DPYD: variants seen among roughly 807,000 people sequenced by gnomAD.
The protein encoded by DPYD is dihydropyrimidine dehydrogenase [NADP(+)].
In DPYD, 109 loss-of-function variants were observed where a neutral mutation model predicts 116.2. The observed-to-expected ratio is 0.94, with a 90% CI of 0.80 to 1.10. The LOEUF (loss-of-function observed/expected upper bound fraction) is 1.10, where lower values mean the gene tolerates loss of function less well. Among genes scored for constraint, DPYD ranks in the 50% least tolerant of loss-of-function variants. DPYD has a pLI of 0.00. For missense variants in DPYD, 1,302 were observed against 1,254.5 expected, an observed-to-expected ratio of 1.04 and a Z score of -0.57; for synonymous variants, 440 against 432.0, an observed-to-expected ratio of 1.02 and a Z score of -0.23.
chr1:97,228,969 G>A (rs1460881960), intron 19 of DPYD, among the ~76,000 whole-genome samples: 1 of 151,906 alleles, frequency 6.6e-6, no homozygotes, highest in Non-Finnish European at 1.5e-5. Flanking sequence ...AGGCCGAGGT[G>A]GGCGGATCAC....
chr1:97,398,867 T>G (rs959024015), intron 14 of DPYD, among the ~76,000 whole-genome samples: 3 of 152,220 alleles, frequency 2.0e-5, no homozygotes, highest in African/African-American at 7.2e-5. Context: ...GATGAGTAGA[T>G]TGCAAAACTT....
At chr1:97,308,794 G>A (rs1223982148) in intron 16 of DPYD, among the ~76,000 whole-genome samples, 2 of 151,772 alleles carry the variant, frequency 1.3e-5, no homozygotes, top group African/African-American at 2.4e-5. Flanking sequence ...AAATAAATAA[G>A]TTTTAGACAA....
At chr1:97,810,659 T>C (rs1346424100) in intron 3 of DPYD, among the ~76,000 whole-genome samples, 1 of 152,100 alleles carries the variant, frequency 6.6e-6, no homozygotes, top group African/African-American at 2.4e-5. Context: ...CATATCCATC[T>C]CTTACCAAAA....
At chr1:97,711,683 T>G (rs553069127) in intron 5 of DPYD, among the ~76,000 whole-genome samples, 2 of 152,136 alleles carry the variant, frequency 1.3e-5, no homozygotes, top group South Asian at 4.1e-4. Flanking sequence ...AAATAAACCT[T>G]ACAAATTTTG....
intron 8 of DPYD, among the ~76,000 whole-genome samples, chr1:97,612,766 G>A (rs1656025977): frequency 6.6e-6 from 1 of 151,946 alleles, no homozygotes. Flanking sequence ...TACCATAGCA[G>A]TTGGGCTTGT....
At chr1:97,735,774 GA>G (rs911361500) in intron 4 of DPYD, among the ~76,000 whole-genome samples, 5 of 151,058 alleles carry the variant, frequency 3.3e-5, no homozygotes, top group Admixed American at 6.6e-5. Context: ...TGGCAGATTA[GA>G]AAAAAAGCAC....
At chr1:97,578,926 G>A (rs554438305) in intron 10 of DPYD, among the ~76,000 whole-genome samples, 2 of 152,166 alleles carry the variant, frequency 1.3e-5, no homozygotes, top group East Asian at 3.9e-4. Context: ...TTCACAAAGT[G>A]GATATTAGAT....
At chr1:97,576,439 A>G (rs531202157) in intron 10 of DPYD, among the ~76,000 whole-genome samples, 1 of 152,298 alleles carries the variant, frequency 6.6e-6, no homozygotes, top group African/African-American at 2.4e-5. Context: ...TATCTTTGCT[A>G]TCTATTAATA....
rs935558084 is a variant in DPYD at position 97,152,626 on chromosome 1, T to C, written c.2622+40443A>G. The stretch of plus-strand genomic sequence containing the variant: ...ATATACCATATATAGTACTTATATC[T>C]ATTGTATATAACATATATATGCAAG... On this transcript the variant is annotated intron_variant, in intron 20 of 22. Coordinates refer to ENST00000370192, the MANE Select transcript of DPYD (RefSeq NM_000110.4). Among the ~76,000 whole-genome samples, 5 of 151,098 alleles carry C rather than the reference T, an allele frequency of 3.3e-5. No individual in the cohort carries two copies. The South Asian group carries it at 1.0e-3, about 31-fold the overall frequency.
chr1:97,597,875 A>T (rs1489346445), intron 8 of DPYD, among the ~76,000 whole-genome samples: 1 of 152,162 alleles, frequency 6.6e-6, no homozygotes, highest in Admixed American at 6.5e-5. Flanking sequence ...TTTTCTGGAG[A>T]ACCCTGAAAT....
chr1:97,313,369 T>A (rs1019914815), intron 16 of DPYD, among the ~76,000 whole-genome samples: 1 of 151,974 alleles, frequency 6.6e-6, no homozygotes, highest in African/African-American at 2.4e-5. Flanking sequence ...TGTAATATGC[T>A]ATCCCTGTTC....
At chr1:97,739,147 A>T (rs527812099) in intron 4 of DPYD, among the ~76,000 whole-genome samples, 5 of 152,218 alleles carry the variant, frequency 3.3e-5, no homozygotes, top group African/African-American at 9.6e-5. Context: ...GATCTTTATT[A>T]AAAAATGTGA....
chr1:97,757,778 C>A (rs936580824), intron 3 of DPYD, among the ~76,000 whole-genome samples: 2 of 152,114 alleles, frequency 1.3e-5, no homozygotes, highest in African/African-American at 4.8e-5. Flanking sequence ...AAACACACAT[C>A]TTACATACAT....
At chr1:97,548,594 G>A (rs1396178570) in intron 12 of DPYD, among the ~76,000 whole-genome samples, 2 of 152,004 alleles carry the variant, frequency 1.3e-5, no homozygotes, top group Non-Finnish European at 2.9e-5. Flanking sequence ...AAAATTAGCT[G>A]GGTGTGGTGG....
chr1:97,308,532 A>C (rs183856099), intron 16 of DPYD: 14 of 151,948 alleles, frequency 9.2e-5, no homozygotes, highest in African/African-American at 3.1e-4. Context: ...TGACAGGTAT[A>C]ATAGAGAATA....
At chr1:97,526,242 C>T (rs1323851255) in intron 12 of DPYD, among the ~76,000 whole-genome samples, 2 of 152,120 alleles carry the variant, frequency 1.3e-5, no homozygotes, top group Non-Finnish European at 2.9e-5. Context: ...CCAGGAAGAG[C>T]TGGGAATTCT....
At chr1:97,849,762 T>C (rs1442324275) in intron 2 of DPYD, among the ~76,000 whole-genome samples, 1 of 152,220 alleles carries the variant, frequency 6.6e-6, no homozygotes, top group East Asian at 1.9e-4. Flanking sequence ...CAAAGATCAG[T>C]TCTATCTTTA....
At chr1:97,538,389 T>C (rs1650179225) in intron 12 of DPYD, among the ~76,000 whole-genome samples, 1 of 152,206 alleles carries the variant, frequency 6.6e-6, no homozygotes, top group South Asian at 2.1e-4. Context: ...CAGATGGTAA[T>C]GACTTTCTGT....
chr1:97,594,028 A>C (rs1167742928), intron 9 of DPYD, among the ~76,000 whole-genome samples: 2 of 152,190 alleles, frequency 1.3e-5, no homozygotes, highest in Non-Finnish European at 2.9e-5. Context: ...CCATTTCTCA[A>C]GGTCATCTCT....
Sources: gnomAD v4.1 joint callset for allele counts (sites outside exome capture counted in the v4.1 genomes callset) on GRCh38, gnomAD v4.1.1 for gene constraint, MANE v1.5 for transcripts, NCBI Gene and HGNC (gene_info 2026-07-23, HGNC 2026-07-21) for gene names.